ANK3: variants seen among roughly 807,000 people sequenced by gnomAD.
ANK3 encodes the protein ankyrin 3, also known as ankyrin-3.
A neutral mutation model predicts 370.9 loss-of-function variants in ANK3; 57 were observed. That is an observed-to-expected ratio of 0.15 (90% CI 0.12 to 0.19). The LOEUF (loss-of-function observed/expected upper bound fraction) is 0.19, where lower values mean the gene tolerates loss of function less well. Among genes scored for constraint, ANK3 ranks in the 10% least tolerant of loss-of-function variants. The pLI, the probability that ANK3 is intolerant of heterozygous loss-of-function variation, is 1.00. For synonymous variants in ANK3, 1,929 were observed against 1,946.3 expected (o/e 0.99, Z 0.23); for missense variants, 4,439 against 5,302.1 (o/e 0.84, Z 5.06).
chr10:60,574,509 A>G (rs1295032405), intron 2 of ANK3, among the ~76,000 whole-genome samples: 1 of 152,202 alleles, frequency 6.6e-6, no homozygotes, highest in African/African-American at 2.4e-5. Context: ...GCCACTATTC[A>G]GTAACATTCC....
At chr10:60,123,237 A>G (rs7898186) in intron 25 of ANK3, among the ~76,000 whole-genome samples, 8,293 of 152,302 alleles carry the variant, frequency 0.054, 753 homozygotes, top group African/African-American at 0.19. Context: ...TAAGCACATT[A>G]CTTTTCATTT....
intron 10 of ANK3, 80 bp downstream of exon 10, chr10:60,207,956 C>G (rs2096790835): frequency 1.6e-6 from 2 of 1,277,286 alleles, no homozygotes; most frequent in East Asian, 2.3e-5. Context: ...TTAACCTCCT[C>G]AAAGCATTCC....
chr10:60,289,412 C>T (rs774901218), intron 1 of ANK3, among the ~76,000 whole-genome samples: 1 of 151,344 alleles, frequency 6.6e-6, no homozygotes, highest in Non-Finnish European at 1.5e-5. Context: ...CTCTCCCTCC[C>T]TCCTTCTTTC....
chr10:60,117,755 A>G (rs2132123825), intron 25 of ANK3, among the ~76,000 whole-genome samples: 1 of 152,332 alleles, frequency 6.6e-6, no homozygotes, highest in East Asian at 1.9e-4. Context: ...CGGAGGTTGC[A>G]GTGAGCCGAG....
chr10:60,451,732 A>G (rs2064608352), intron 2 of ANK3, among the ~76,000 whole-genome samples: 1 of 152,232 alleles, frequency 6.6e-6, no homozygotes, highest in Non-Finnish European at 1.5e-5. Flanking sequence ...GCCTCTGGGC[A>G]GCTCCAAATG....
intron 2 of ANK3, among the ~76,000 whole-genome samples, chr10:60,432,715 G>C (rs925774676): frequency 1.3e-5 from 2 of 152,190 alleles, no homozygotes; most frequent in Admixed American, 6.5e-5. Flanking sequence ...CATTCAGGTG[G>C]AGGCCTAGGA....
chr10:60,141,559 C>CTGTTTTTTTTT (rs2094556895), intron 23 of ANK3, among the ~76,000 whole-genome samples: 1 of 61,164 alleles, frequency 1.6e-5, no homozygotes, highest in African/African-American at 7.9e-5. Context: ...ATTTCAATTG[C>CTGTTTTTTTTT]TGTTTTTTTT....
chr10:60,343,677 A>G lies in ANK3; in HGVS notation c.114+45748T>C, dbSNP rs1252687444. 2.6e-5 allele frequency among the ~76,000 whole-genome samples: 4 copies of G among 152,174 alleles called. No homozygotes were observed. In the East Asian group the frequency reaches 7.7e-4, roughly 29 times the overall value. On this transcript the variant is annotated intron_variant, in intron 1 of 43. Transcript: ENST00000280772. ...GACAGATCTAGAGGTACCTTTCTCT[A>G]AAGTTTGAAATTGGATTTTATGTAT...
chr10:60,244,387 A>G (rs1028449951), intron 7 of ANK3, among the ~76,000 whole-genome samples: 2 of 152,220 alleles, frequency 1.3e-5, no homozygotes, highest in African/African-American at 4.8e-5. Context: ...TGAAAGATTA[A>G]CTTATACAGC....
chr10:60,564,062 T>A (rs2077402223), intron 2 of ANK3, among the ~76,000 whole-genome samples: 2 of 152,146 alleles, frequency 1.3e-5, no homozygotes, highest in Non-Finnish European at 2.9e-5. Flanking sequence ...TCAAAAAAAA[T>A]CATTTCAAAT....
intron 4 of ANK3, among the ~76,000 whole-genome samples, chr10:60,271,715 A>T (rs1448765653): frequency 6.6e-6 from 1 of 152,142 alleles, no homozygotes. Flanking sequence ...TTACTTATCC[A>T]TAAGTTCAGC....
At chr10:60,728,473 T>C (rs894889964) in intron 1 of ANK3, among the ~76,000 whole-genome samples, 5 of 152,216 alleles carry the variant, frequency 3.3e-5, no homozygotes, top group African/African-American at 7.2e-5. Flanking sequence ...ATTTGGAAAA[T>C]TATTCTAACA....
intron 2 of ANK3, among the ~76,000 whole-genome samples, chr10:60,478,330 C>A (rs969716744): frequency 2.0e-5 from 3 of 151,978 alleles, no homozygotes; most frequent in Non-Finnish European, 4.4e-5. Flanking sequence ...ACATATTTTT[C>A]TGCAATGCTA....
chr10:60,699,339 C>A (rs555815073), intron 1 of ANK3, among the ~76,000 whole-genome samples: 202 of 152,024 alleles, frequency 1.3e-3, no homozygotes, highest in South Asian at 2.9e-3. Flanking sequence ...AACTGCTGAA[C>A]CCTGTTTTAT....
chr10:60,071,131 G>A lies in ANK3; in HGVS notation c.9750C>T (p.Ala3250=), dbSNP rs367861392. 4 of 1,614,088 alleles carry A rather than the reference G, an allele frequency of 2.5e-6. No individual in the cohort carries two copies. Among genetic ancestry groups the A allele is most frequent in the East Asian group, 4.5e-5 (2 of 44,882 alleles). The change falls in exon 37 of 44, where the codon GCC becomes GCT. Residue 3250 remains alanine, a synonymous_variant. Transcript: ENST00000280772. ...SNQRPKNNRV[A]YIEFPPPPPL... is the part of the protein sequence containing the mutation. ...GTGGAGGAGGGGGAAATTCAATATA[G>A]GCAACTCTGTTATTTTTGGGTCTTT...
intron 1 of ANK3, among the ~76,000 whole-genome samples, chr10:60,308,570 C>T (rs2045692115): frequency 6.6e-6 from 1 of 152,072 alleles, no homozygotes; most frequent in Non-Finnish European, 1.5e-5. Context: ...ACCACTGTGC[C>T]TGGCCGGAAT....
At chr10:60,550,638 T>C (rs931224422) in intron 2 of ANK3, among the ~76,000 whole-genome samples, 1 of 152,070 alleles carries the variant, frequency 6.6e-6, no homozygotes, top group African/African-American at 2.4e-5. Context: ...AATGGCAGCA[T>C]GAAAGTATAA....
chr10:60,695,381 C>G (rs1202956263), intron 1 of ANK3, among the ~76,000 whole-genome samples: 12 of 152,148 alleles, frequency 7.9e-5, no homozygotes, highest in Non-Finnish European at 8.8e-5. Flanking sequence ...GAATTGAACT[C>G]AGCTCTGCAC....
chr10:60,481,788 A>G (rs1260114582), intron 2 of ANK3, among the ~76,000 whole-genome samples: 2 of 152,134 alleles, frequency 1.3e-5, no homozygotes, highest in South Asian at 2.1e-4. Context: ...TGAAATTCCT[A>G]TTAAACTGGA....
Sources: gnomAD v4.1 joint callset for allele counts (sites outside exome capture counted in the v4.1 genomes callset) on GRCh38, gnomAD v4.1.1 for gene constraint, MANE v1.5 for transcripts, NCBI Gene and HGNC (gene_info 2026-07-23, HGNC 2026-07-21) for gene names.